HAGH: variants seen among roughly 807,000 people sequenced by gnomAD.
The protein encoded by HAGH is hydroxyacylglutathione hydrolase, mitochondrial.
A neutral mutation model predicts 35.1 loss-of-function variants in HAGH; 29 were observed. The ratio of observed to expected loss-of-function variants is 0.83; its 90% CI spans 0.62 to 1.13. HAGH has a LOEUF of 1.13. Ranked by LOEUF, HAGH falls within the 50% of genes most tolerant of loss-of-function variation. The pLI, the probability that HAGH is intolerant of heterozygous loss-of-function variation, is 0.00. For missense variants in HAGH, 478 were observed against 419.6 expected, an observed-to-expected ratio of 1.14 and a Z score of -1.22; for synonymous variants, 225 against 176.1, an observed-to-expected ratio of 1.28 and a Z score of -2.20.
At chr16:1,822,388 A>G (rs925808232) in intron 2 of HAGH, 24 bp from the exon 3 acceptor site, 4 of 1,580,882 alleles carry the variant, frequency 2.5e-6, no homozygotes, top group Non-Finnish European at 3.5e-6. Flanking sequence ...GGGGAAGGAC[A>G]AAGGCCTGTC....
intron 1 of HAGH, among the ~76,000 whole-genome samples, chr16:1,824,065 T>C (rs902289516): frequency 5.9e-5 from 9 of 152,050 alleles, no homozygotes; most frequent in African/African-American, 2.2e-4. Context: ...CTGCGTTCCA[T>C]GCAGTTACAG....
In HAGH at chr16:1,809,165, A is replaced by T. The variant is rs764617665; in HGVS notation, c.*118T>A. On this transcript the variant is annotated 3_prime_UTR_variant, in exon 9 of 9. Coordinates refer to ENST00000397356, the MANE Select transcript of HAGH (RefSeq NM_005326.6). ...TATGCATTAGAATGTCCGATAACAC[A>T]AGCCAAGGGCTGTAAAATTAAGGTT... 7.2e-6 allele frequency: 5 copies of T among 691,776 alleles called. No homozygotes were observed. Among genetic ancestry groups the T allele is most frequent in the Non-Finnish European group, 1.3e-5 (5 of 391,164 alleles). 42.9% of individuals were successfully genotyped at this position (691,776 alleles called of 1,614,324 possible).
intron 5 of HAGH, among the ~76,000 whole-genome samples, chr16:1,817,844 G>C (rs554010697): frequency 6.1e-4 from 93 of 152,340 alleles, no homozygotes; most frequent in African/African-American, 2.2e-3. Context: ...CTTCGCGGCT[G>C]TCCTGGCCTC....
intron 3 of HAGH, among the ~76,000 whole-genome samples, chr16:1,821,311 C>T (rs1898139951): frequency 2.0e-5 from 3 of 152,164 alleles, no homozygotes; most frequent in Non-Finnish European, 4.4e-5. Context: ...CAAACCTTGG[C>T]CAAGCCACCA....
At chr16:1,813,021 C>T (rs1897733423) in intron 7 of HAGH, among the ~76,000 whole-genome samples, 1 of 152,210 alleles carries the variant, frequency 6.6e-6, no homozygotes, top group African/African-American at 2.4e-5. Context: ...TCCCGTCCAG[C>T]CCGGCCACTC....
At position 1,816,936 on chromosome 16, in the gene HAGH, T is replaced by G. The variant is rs1897920417; in HGVS notation, c.704A>C (p.Glu235Ala). Residue 235 changes from glutamate (E) to alanine (A), a missense_variant, in exon 7 of 9, where the codon GAG (glutamate) becomes GCG (alanine). Glu to Ala is a moderately radical substitution (Grantham distance 107). Coordinates refer to ENST00000397356, the MANE Select transcript of HAGH (RefSeq NM_005326.6). ...CTCCCGGATGGCGGCATTGCCGGGC[T>G]CCACGTGGCGTGCAAACTTGAGGTT... ...INNLKFARHV[E>A]PGNAAIREKL... The G allele has an allele frequency of 6.2e-7, 1 of 1,613,934 alleles. No individual in the cohort carries two copies. Among genetic ancestry groups the G allele is most frequent in the Non-Finnish European group, 8.5e-7 (1 of 1,179,856 alleles).
At position 1,808,424 on chromosome 16, in the gene HAGH, C is replaced by A. The variant is rs1175996047; in HGVS notation, c.*859G>T. The A allele has an allele frequency of 6.6e-6, 1 of 152,018 alleles. No homozygotes were observed. Among genetic ancestry groups the A allele is most frequent in the African/African-American group, 2.4e-5 (1 of 41,370 alleles). 9.4% of individuals were successfully genotyped at this position (152,018 alleles called of 1,614,324 possible). Reference sequence around the variant, plus strand: ...CACACCATTCTCCTGCCTTAGCCTCCCGAGTAGCCGGGACTACAGGTGTCT... The same window carrying A: ...CACACCATTCTCCTGCCTTAGCCTCACGAGTAGCCGGGACTACAGGTGTCT... On this transcript the variant is annotated 3_prime_UTR_variant, in exon 9 of 9. Coordinates refer to ENST00000397356, the MANE Select transcript of HAGH (RefSeq NM_005326.6).
chr16:1,825,285 G>A (rs1224545726), intron 1 of HAGH, among the ~76,000 whole-genome samples: 1 of 152,082 alleles, frequency 6.6e-6, no homozygotes, highest in Non-Finnish European at 1.5e-5. Context: ...CCACTGCACT[G>A]CCCAGGCGAA....
At chr16:1,825,102 G>C (rs3760034) in intron 1 of HAGH, among the ~76,000 whole-genome samples, 1 of 152,014 alleles carries the variant, frequency 6.6e-6, no homozygotes, top group African/African-American at 2.4e-5. Flanking sequence ...GCGGATCGCG[G>C]GGTCAGGAGT....
At chr16:1,823,979 G>A (rs62038380) in intron 1 of HAGH, among the ~76,000 whole-genome samples, 5,198 of 152,184 alleles carry the variant, frequency 0.034, 144 homozygotes, top group Admixed American at 0.093. Flanking sequence ...GTGAAGAAGG[G>A]AACACAGACT....
rs1167533010 is a variant in HAGH, at chr16:1,824,219, C to CAA, written c.77-1184_77-1183dup. On this transcript the variant is annotated intron_variant, in intron 1 of 8. Coordinates refer to ENST00000397356, the MANE Select transcript of HAGH (RefSeq NM_005326.6). ...CCTGGGCAACAGAGTGAGACAGTCT[C>CAA]AAAAAAAAAAAAAAACAAACAAACA... Among the ~76,000 whole-genome samples, 639 of 139,970 alleles carry CAA rather than the reference C, an allele frequency of 4.6e-3. 2 individuals are homozygous for CAA. Among genetic ancestry groups the CAA allele is most frequent in the South Asian group, 9.3e-3 (42 of 4,514 alleles). 91.8% of individuals were successfully genotyped at this position (139,970 alleles called of 152,430 possible).
At chr16:1,816,675 C>G (rs549666743) in intron 7 of HAGH, among the ~76,000 whole-genome samples, 2 of 152,246 alleles carry the variant, frequency 1.3e-5, no homozygotes, top group South Asian at 2.1e-4. Flanking sequence ...TTTTTACACA[C>G]GCAGCGTCTG....
intron 4 of HAGH, 141 bp downstream of exon 4, chr16:1,819,756 C>G (rs1898060284): frequency 1.5e-6 from 1 of 678,550 alleles, no homozygotes; most frequent in Admixed American, 2.2e-5. Flanking sequence ...ACAGAGAAGA[C>G]CATCCACGCT....
chr16:1,810,770 A>C (rs1250850327), intron 7 of HAGH: 2 of 152,330 alleles, frequency 1.3e-5, no homozygotes, highest in Non-Finnish European at 1.5e-5. Context: ...CTCACCCCCG[A>C]GGTTCCCCAC....
rs753528759 is a variant in HAGH, at chr16:1,822,924, G to C, written c.190C>G (p.Leu64Val). ...TCCTTGGTCTCATCATCAATGACCA[G>C]GTACATGTAGTTGTCGGTCAGGGCA... ...LPALTDNYMYLVIDDETKEAA... is the reference protein window; with the variant it reads ...LPALTDNYMYVVIDDETKEAA... Residue 64 changes from leucine to valine, a missense_variant, in exon 2 of 9, where the codon CTG (leucine) becomes GTG (valine). Physicochemically the swap from Leu to Val is conservative, Grantham distance 32. Coordinates refer to ENST00000397356, the MANE Select transcript of HAGH (RefSeq NM_005326.6). 1 of 1,613,782 alleles carries C rather than the reference G, an allele frequency of 6.2e-7. No individual in the cohort carries two copies. The highest frequency in any genetic ancestry group is 2.2e-5 in the East Asian group (1 of 44,876).
chr16:1,825,572 C>A (rs905017122), intron 1 of HAGH, among the ~76,000 whole-genome samples: 9 of 151,886 alleles, frequency 5.9e-5, no homozygotes, highest in Non-Finnish European at 1.2e-4. Flanking sequence ...TCGGTTTGGC[C>A]CCAAAAACAA....
chr16:1,811,791 G>C (rs977083971), intron 7 of HAGH, among the ~76,000 whole-genome samples: 1 of 152,182 alleles, frequency 6.6e-6, no homozygotes, highest in African/African-American at 2.4e-5. Context: ...GTGGGTTCTG[G>C]ACTCCAGGGT....
intron 1 of HAGH, among the ~76,000 whole-genome samples, chr16:1,824,911 G>GC (rs1898327309): frequency 6.6e-6 from 1 of 152,152 alleles, no homozygotes; most frequent in Non-Finnish European, 1.5e-5. Flanking sequence ...ACAACAAGCA[G>GC]AGTGTGGGTG....
chr16:1,821,952 GTTTTT>G (rs1167899761), intron 3 of HAGH: 8 of 105,210 alleles, frequency 7.6e-5, no homozygotes, highest in Non-Finnish European at 1.4e-4. Context: ...TTGTTTTTTT[GTTTTT>G]TTTTTTTTTA....
Sources: allele counts gnomAD v4.1 joint callset (sites outside exome capture counted in the v4.1 genomes callset), GRCh38; gene constraint gnomAD v4.1.1; transcripts MANE v1.5; gene names NCBI Gene and HGNC (gene_info 2026-07-23, HGNC 2026-07-21).